CACNG2: variants seen among roughly 807,000 people sequenced by gnomAD.
CACNG2 encodes the protein voltage-dependent calcium channel gamma-2 subunit.
CACNG2 carries 3 observed loss-of-function variants against 25.9 expected under a neutral mutation model. The ratio of observed to expected loss-of-function variants is 0.12; its 90% CI spans 0.05 to 0.30. The LOEUF (loss-of-function observed/expected upper bound fraction) is 0.30. CACNG2 is among the 10% of genes least tolerant of loss of function. CACNG2 has a pLI of 1.00. For synonymous variants in CACNG2, 167 were observed against 173.3 expected (o/e 0.96, Z 0.29); for missense variants, 341 against 432.5 (o/e 0.79, Z 1.88).
intron 1 of CACNG2, among the ~76,000 whole-genome samples, chr22:36,640,606 G>T (rs1297989165): frequency 3.3e-5 from 5 of 152,180 alleles, no homozygotes; most frequent in Non-Finnish European, 5.9e-5. Flanking sequence ...GGAACCATAA[G>T]ACCCACTGCA....
At chr22:36,663,813 T>TG (rs1398684131) in intron 1 of CACNG2, among the ~76,000 whole-genome samples, 3 of 151,978 alleles carry the variant, frequency 2.0e-5, no homozygotes, top group Non-Finnish European at 4.4e-5. Flanking sequence ...CTCCCATCTG[T>TG]GGGGGGCTGG....
chr22:36,637,671 C>G (rs150787469), intron 1 of CACNG2, among the ~76,000 whole-genome samples: 1 of 152,096 alleles, frequency 6.6e-6, no homozygotes, highest in Non-Finnish European at 1.5e-5. Flanking sequence ...TTCAAGAGGT[C>G]GGTGAGCTGC....
At chr22:36,580,643 G>C (rs1424593147) in intron 2 of CACNG2, among the ~76,000 whole-genome samples, 1 of 152,166 alleles carries the variant, frequency 6.6e-6, no homozygotes, top group Non-Finnish European at 1.5e-5. Context: ...CAGGCTCTGA[G>C]TATGGAGTGG....
At chr22:36,573,486 C>T (rs1210781895) in intron 2 of CACNG2, among the ~76,000 whole-genome samples, 1 of 152,078 alleles carries the variant, frequency 6.6e-6, no homozygotes, top group Non-Finnish European at 1.5e-5. Flanking sequence ...CATGTGCCAT[C>T]ACACCTGGCT....
intron 1 of CACNG2, among the ~76,000 whole-genome samples, chr22:36,638,421 C>T (rs1202701443): frequency 6.6e-6 from 1 of 152,176 alleles, no homozygotes; most frequent in Non-Finnish European, 1.5e-5. Flanking sequence ...GCTTCCATTG[C>T]CCCTGCTCTT....
At chr22:36,672,391 C>A (rs1452261459) in intron 1 of CACNG2, among the ~76,000 whole-genome samples, 1 of 152,170 alleles carries the variant, frequency 6.6e-6, no homozygotes, top group African/African-American at 2.4e-5. Flanking sequence ...CTCTTGAACT[C>A]AAGCCGTCCT....
intron 1 of CACNG2, among the ~76,000 whole-genome samples, chr22:36,600,467 G>A (rs1345371754): frequency 6.6e-6 from 1 of 150,796 alleles, no homozygotes; most frequent in Non-Finnish European, 1.5e-5. Context: ...AAAAATGCGG[G>A]AAACTTTATA....
chr22:36,577,870 G>A (rs1935351084), intron 2 of CACNG2, among the ~76,000 whole-genome samples: 1 of 152,116 alleles, frequency 6.6e-6, no homozygotes, highest in African/African-American at 2.4e-5. Context: ...ATGTCTCTCA[G>A]AAGCCCCCTC....
chr22:36,698,892 A>G (rs1316639895), intron 1 of CACNG2, among the ~76,000 whole-genome samples: 1 of 152,172 alleles, frequency 6.6e-6, no homozygotes, highest in East Asian at 1.9e-4. Flanking sequence ...GAGGGGAGGA[A>G]GGCATAGGAG....
intron 2 of CACNG2, among the ~76,000 whole-genome samples, chr22:36,569,884 T>G (rs1555892543): frequency 6.6e-6 from 1 of 152,076 alleles, no homozygotes; most frequent in Non-Finnish European, 1.5e-5. Context: ...GTGGACATGG[T>G]CCTGGCCAGC....
At chr22:36,586,856 T>A (rs1208230150) in intron 2 of CACNG2, among the ~76,000 whole-genome samples, 2 of 152,238 alleles carry the variant, frequency 1.3e-5, no homozygotes, top group Non-Finnish European at 2.9e-5. Flanking sequence ...CTCAGAATGC[T>A]TTCTCTTGAT....
intron 1 of CACNG2, among the ~76,000 whole-genome samples, chr22:36,630,981 C>T (rs1341409485): frequency 6.6e-6 from 1 of 152,130 alleles, no homozygotes; most frequent in Non-Finnish European, 1.5e-5. Context: ...TAGGTGCCTG[C>T]CACCACACTT....
intron 1 of CACNG2, among the ~76,000 whole-genome samples, chr22:36,588,755 T>C (rs939643156): frequency 2.0e-5 from 3 of 152,166 alleles, no homozygotes; most frequent in Non-Finnish European, 4.4e-5. Context: ...GTCAGAACAG[T>C]GCCTGACACA....
intron 1 of CACNG2, among the ~76,000 whole-genome samples, chr22:36,695,263 C>T (rs955458647): frequency 1.3e-5 from 2 of 152,082 alleles, no homozygotes; most frequent in African/African-American, 4.8e-5. Context: ...AACAGCTGCT[C>T]TAATCCTTAC....
chr22:36,601,196 A>G (rs906663955), intron 1 of CACNG2, among the ~76,000 whole-genome samples: 1 of 151,668 alleles, frequency 6.6e-6, no homozygotes, highest in Non-Finnish European at 1.5e-5. Context: ...CTATCTCTAC[A>G]TACTTGATAT....
intron 2 of CACNG2, among the ~76,000 whole-genome samples, chr22:36,582,751 C>T (rs1017092424): frequency 2.6e-5 from 4 of 151,436 alleles, no homozygotes; most frequent in Non-Finnish European, 4.4e-5. Flanking sequence ...AATTCCCCAT[C>T]CCCCGTCCCT....
At chr22:36,653,501 G>A (rs1019897308) in intron 1 of CACNG2, among the ~76,000 whole-genome samples, 1 of 152,240 alleles carries the variant, frequency 6.6e-6, no homozygotes, top group South Asian at 2.1e-4. Flanking sequence ...TGGGGCCTGT[G>A]TGTGCCTCAG....
chr22:36,703,579 CTG>C lies in CACNG2; in HGVS notation c.-1005_-1004del, dbSNP rs1937443686. 3 of 39,380 alleles carry C rather than the reference CTG, an allele frequency of 7.6e-5. No individual in the cohort carries two copies. Among genetic ancestry groups the C allele is most frequent in the African/African-American group, 2.3e-4 (1 of 4,424 alleles). The allele number at this position is 39,380 out of a possible 1,614,324, so 2.4% of individuals were successfully genotyped here. A position where few individuals can be genotyped will look rare whatever the true frequency, so the allele number is the denominator to read the frequency against. ...GCCGCCCGCTCCGCGCGCTCCCCGG[CTG>C]GCTCCCAGGGCCGCCCGCCAGGAGG... On this transcript the variant is annotated 5_prime_UTR_variant, in exon 1 of 4. Transcript: ENST00000300105.
intron 2 of CACNG2, among the ~76,000 whole-genome samples, chr22:36,586,389 A>G (rs1478742409): frequency 1.3e-5 from 2 of 152,256 alleles, no homozygotes; most frequent in Non-Finnish European, 2.9e-5. Flanking sequence ...AATGAAGAGC[A>G]GGGTATGATA....
Sources: gnomAD v4.1 joint callset for allele counts (sites outside exome capture counted in the v4.1 genomes callset) on GRCh38, gnomAD v4.1.1 for gene constraint, MANE v1.5 for transcripts, NCBI Gene and HGNC (gene_info 2026-07-23, HGNC 2026-07-21) for gene names.